The following CASKIN1 variants were observed in gnomAD, a reference collection of about 807,000 sequenced individuals.
CASKIN1 encodes CASK interacting protein 1.
A neutral mutation model predicts 117.5 loss-of-function variants in CASKIN1; 42 were observed. The observed-to-expected ratio is 0.36, with a 90% CI of 0.28 to 0.46. The LOEUF is 0.46. Among genes scored for constraint, CASKIN1 ranks in the 20% least tolerant of loss-of-function variants. The pLI is 1.00. For synonymous variants in CASKIN1, 1,148 were observed against 961.7 expected (o/e 1.19, Z -3.59); for missense variants, 2,083 against 2,077.3 (o/e 1.00, Z -0.05).
In CASKIN1 at chr16:2,180,744, C is replaced by T. The variant is rs1362312449; in HGVS notation, c.2624G>A (p.Arg875Gln). The T allele has an allele frequency of 5.6e-6, 8 of 1,440,222 alleles. No homozygotes were observed. Among genetic ancestry groups the T allele is most frequent in the Admixed American group, 2.8e-5 (1 of 35,858 alleles). The allele number at this position is 1,440,222 out of a possible 1,614,324, so 89.2% of individuals were successfully genotyped here. ...LPPEADAEPG[R>Q]PKKRAHSLNR... ...CAGGCTGTGGGCCCGCTTCTTGGGC[C>T]GCCCCGGCTCCGCGTCGGCCTCAGG... is the stretch of plus-strand genomic sequence containing the variant. The change falls in exon 18 of 20, where the codon CGG becomes CAG. Residue 875 changes from arginine (R) to glutamine (Q), a missense_variant. Physicochemically the swap from Arg to Gln is conservative, Grantham distance 43. This residue lies in a region of CASKIN1 where 1,818 missense variants were observed against 1,688.9 expected (regional missense o/e 1.08). Coordinates refer to ENST00000343516, the MANE Select transcript of CASKIN1 (RefSeq NM_020764.4).
In CASKIN1 at chr16:2,196,389, T is replaced by C; in HGVS notation, c.44A>G (p.Asp15Gly). The change falls in exon 1 of 20, where the codon GAC (aspartate) becomes GGC (glycine). Residue 15 changes from aspartate to glycine, a missense_variant. Coordinates refer to ENST00000343516, the MANE Select transcript of CASKIN1 (RefSeq NM_020764.4). The surrounding 1 kb of genome is among the most constrained non-coding windows in gnomAD (Gnocchi z 5.7). ...CAGCAGCCTCTGCGCGGTCCCTACGTCCTCCGCCTTCACCGCCTGCACCAG... is the reference window on the plus strand; with the variant it reads ...CAGCAGCCTCTGCGCGGTCCCTACGCCCTCCGCCTTCACCGCCTGCACCAG... The part of the protein sequence containing the change: ...QELVQAVKAE[D>G]VGTAQRLLQR... The C allele has an allele frequency of 7.3e-7, 1 of 1,368,724 alleles. No homozygotes were observed. The highest frequency in any genetic ancestry group is 9.5e-7 in the Non-Finnish European group (1 of 1,048,130). The allele number at this position is 1,368,724 out of a possible 1,614,324, so 84.8% of individuals were successfully genotyped here.
At chr16:2,195,464 G>C (rs967094982) in intron 1 of CASKIN1, among the ~76,000 whole-genome samples, 1 of 152,226 alleles carries the variant, frequency 6.6e-6, no homozygotes, top group Non-Finnish European at 1.5e-5. Context: ...ACGGCTATAC[G>C]TGCGCAGCCG....
chr16:2,180,997 G>A lies in CASKIN1; in HGVS notation c.2371C>T (p.Leu791Phe). The change falls in exon 18 of 20, where the codon CTT (leucine) becomes TTT (phenylalanine). Residue 791 changes from leucine (L) to phenylalanine (F), a missense_variant. By Grantham distance (22) the Leu-to-Phe change is conservative. Around this residue, in one of 3 missense-constraint regions of CASKIN1, gnomAD observed 1,818 missense variants for 1,688.9 expected, o/e 1.08. Coordinates refer to ENST00000343516, the MANE Select transcript of CASKIN1 (RefSeq NM_020764.4). ...GGGGCTGGACCATGAGGTCCCCCAA[G>A]GGCCTGGGGAGAGCCTGGTCGGGTT... is the stretch of plus-strand genomic sequence containing the variant. The part of the protein sequence containing the change: ...TKTRPGSPQA[L>F]GGPHGPAPAT... 2.0e-6 allele frequency: 3 copies of A among 1,477,956 alleles called. No individual in the cohort carries two copies. The highest frequency in any genetic ancestry group is 2.8e-5 in the South Asian group (2 of 70,634). 91.6% of individuals were successfully genotyped at this position (1,477,956 alleles called of 1,614,324 possible).
At position 2,179,115 on chromosome 16, in the gene CASKIN1, G is replaced by A. The variant is rs1434802573; in HGVS notation, c.3986C>T (p.Pro1329Leu). Reference protein sequence around the residue: ...PSLGASPAKPPSPGAPALHVP... With the variant: ...PSLGASPAKPLSPGAPALHVP... ...GTGCAGCGCGGGCGCGCCGGGGGAC[G>A]GGGGCTTGGCGGGGCTGGCGCCCAG... The change falls in exon 19 of 20, where the codon CCG (proline) becomes CTG (leucine). Residue 1329 changes from proline to leucine, a missense_variant. Physicochemically the swap from Pro to Leu is moderately conservative, Grantham distance 98. This residue lies in a region of CASKIN1 where 1,818 missense variants were observed against 1,688.9 expected (regional missense o/e 1.08). Transcript: ENST00000343516. The surrounding 1 kb of genome is among the most constrained non-coding windows in gnomAD (Gnocchi z 5.8). The A allele has an allele frequency of 2.0e-6, 2 of 1,005,854 alleles. No individual in the cohort carries two copies. Among genetic ancestry groups the A allele is most frequent in the Middle Eastern group, 4.9e-4 (1 of 2,026 alleles). 62.3% of individuals were successfully genotyped at this position (1,005,854 alleles called of 1,614,324 possible). A position where few individuals can be genotyped will look rare whatever the true frequency, so the allele number is the denominator to read the frequency against.
rs1330456473 is a variant in CASKIN1 at position 2,182,064 on chromosome 16, T to G, written c.1630-135A>C. 1 of 1,240,312 alleles carries G rather than the reference T, an allele frequency of 8.1e-7. No homozygotes were observed. The highest frequency in any genetic ancestry group is 1.5e-5 in the African/African-American group (1 of 67,300). The allele number at this position is 1,240,312 out of a possible 1,614,324, so 76.8% of individuals were successfully genotyped here. A position where few individuals can be genotyped will look rare whatever the true frequency, so the allele number is the denominator to read the frequency against. On this transcript the variant is annotated intron_variant, in intron 16 of 19. Transcript: ENST00000343516. This position sits in a 1 kb window ranked among gnomAD's most constrained non-coding sequence, Gnocchi z 4.1. ...AGGAGGACAAACGGATAGGCCGAGGTATTGGCACCAGAAATGTAGGCAGAG... is the reference window on the plus strand; with the variant it reads ...AGGAGGACAAACGGATAGGCCGAGGGATTGGCACCAGAAATGTAGGCAGAG...
Position 2,181,900 on chromosome 16 carries a change from G to T in CASKIN1, c.1659C>A (p.Ile553=). Residue 553 remains isoleucine (I), a synonymous_variant, in exon 17 of 20, where the codon ATC becomes ATA. Transcript: ENST00000343516. The part of the protein sequence containing the change: ...PANLAVWLSM[I]GLAQYYKVLV... ...ACACCTTGTAGTACTGGGCCAGGCC[G>T]ATCATGGACAGCCACACGGCCAGGT... is the stretch of plus-strand genomic sequence containing the variant. 1 of 1,613,708 alleles carries T rather than the reference G, an allele frequency of 6.2e-7. No homozygotes were observed. The highest frequency in any genetic ancestry group is 8.5e-7 in the Non-Finnish European group (1 of 1,179,976).
At position 2,181,803 on chromosome 16, in the gene CASKIN1, T is replaced by C. The variant is rs1318766446; in HGVS notation, c.1756A>G (p.Ile586Val). The part of the protein sequence containing the change: ...ITWEDLQEIG[I>V]TKLGHQKKLM... ...GCTGGGGCCTCACCCAGCTTGGTGA[T>C]GCCGATCTCCTGCAGGTCCTCCCAG... Residue 586 changes from isoleucine (I) to valine (V), a missense_variant, in exon 17 of 20, where the codon ATC becomes GTC. Ile to Val is a conservative substitution (Grantham distance 29, BLOSUM62 3). This residue lies in a region of CASKIN1 where 1,818 missense variants were observed against 1,688.9 expected (regional missense o/e 1.08). Coordinates refer to ENST00000343516, the MANE Select transcript of CASKIN1 (RefSeq NM_020764.4). The C allele has an allele frequency of 6.2e-7, 1 of 1,613,174 alleles. No individual in the cohort carries two copies. The highest frequency in any genetic ancestry group is 1.7e-5 in the Admixed American group (1 of 59,990).
At position 2,184,077 on chromosome 16, in the gene CASKIN1, C is replaced by G. The variant is rs531367052; in HGVS notation, c.1417-136G>C. 3 of 610,366 alleles carry G rather than the reference C, an allele frequency of 4.9e-6. No homozygotes were observed. In the Admixed American group the frequency reaches 9.1e-5, roughly 19 times the overall value. 37.8% of individuals were successfully genotyped at this position (610,366 alleles called of 1,614,324 possible). On this transcript the variant is annotated intron_variant, in intron 14 of 19. Transcript: ENST00000343516. Reference sequence around the variant, plus strand: ...TCCGCTGCTCCATCTGCAGCAGGCCCCGGTGAGCCTGGCCCGTGAGTGATC... The same window carrying G: ...TCCGCTGCTCCATCTGCAGCAGGCCGCGGTGAGCCTGGCCCGTGAGTGATC...
rs2093172392 is a variant in CASKIN1, at chr16:2,182,855, ATC to A, written c.1629+789_1629+790del. Among the ~76,000 whole-genome samples, 1 of 152,218 alleles carries A rather than the reference ATC, an allele frequency of 6.6e-6. No individual in the cohort carries two copies. The highest frequency in any genetic ancestry group is 1.5e-5 in the Non-Finnish European group (1 of 68,032). On this transcript the variant is annotated intron_variant, in intron 16 of 19. Coordinates refer to ENST00000343516, the MANE Select transcript of CASKIN1 (RefSeq NM_020764.4). This position sits in a 1 kb window ranked among gnomAD's most constrained non-coding sequence, Gnocchi z 4.1. Reference sequence around the variant, plus strand: ...GCCCAGGCTGGAGTGCAGTGGCGCAATCTCGGCTCACTGCAAGCTCCGCCTCC... The same window carrying A: ...GCCCAGGCTGGAGTGCAGTGGCGCAATCGGCTCACTGCAAGCTCCGCCTCC...
In CASKIN1 at chr16:2,182,946, A is replaced by T. The variant is rs2093172691; in HGVS notation, c.1629+700T>A. On this transcript the variant is annotated intron_variant, in intron 16 of 19. Transcript: ENST00000343516. This position sits in a 1 kb window ranked among gnomAD's most constrained non-coding sequence, Gnocchi z 4.1. The stretch of plus-strand genomic sequence containing the variant: ...GCTGGGACTATAGGCACCCGCCACC[A>T]CGCCTGGCCAATTTTTGGTTTTAGT... 6.6e-6 allele frequency among the ~76,000 whole-genome samples: 1 copy of T among 152,112 alleles called. No individual in the cohort carries two copies. Among genetic ancestry groups the T allele is most frequent in the African/African-American group, 2.4e-5 (1 of 41,414 alleles).
At chr16:2,189,647 CT>C (rs1307209473) in intron 3 of CASKIN1, 83 bp from the exon 4 acceptor site, 10 of 1,447,742 alleles carry the variant, frequency 6.9e-6, no homozygotes, top group South Asian at 6.8e-5. Flanking sequence ...GACCTGACCC[CT>C]GACCCCAAGT....
chr16:2,188,820 A>C, intron 6 of CASKIN1: 1 of 653,704 alleles, frequency 1.5e-6, no homozygotes, highest in South Asian at 2.1e-5. Flanking sequence ...TGGGGCTGGG[A>C]CAGAGACGTC....
At chr16:2,193,646 G>A (rs1164723991) in intron 1 of CASKIN1, among the ~76,000 whole-genome samples, 2 of 152,246 alleles carry the variant, frequency 1.3e-5, no homozygotes, top group South Asian at 2.1e-4. Context: ...TCTCGGAGAG[G>A]CTGGAGGTCA....
In CASKIN1 at chr16:2,188,422, C is replaced by T. The variant is rs188507834; in HGVS notation, c.617+605G>A. Among the ~76,000 whole-genome samples, 14 of 152,060 alleles carry T rather than the reference C, an allele frequency of 9.2e-5. No individual in the cohort carries two copies. The East Asian group carries it at 2.7e-3, about 29-fold the overall frequency. ...CTGGAGTACAGTGGCACAATCATCG[C>T]TCACTGCAACCTCAACCTCATGGGC... On this transcript the variant is annotated intron_variant, in intron 6 of 19. Coordinates refer to ENST00000343516, the MANE Select transcript of CASKIN1 (RefSeq NM_020764.4).
At chr16:2,178,833 TCTCTGCC>T (rs2093155214) in intron 19 of CASKIN1, 62 bp downstream of exon 19, 4 of 1,082,712 alleles carry the variant, frequency 3.7e-6, no homozygotes, top group African/African-American at 1.9e-5. Flanking sequence ...GCCCCGCCCA[TCTCTGCC>T]GAGCCCCGCC....
intron 3 of CASKIN1, 60 bp from the exon 4 acceptor site, chr16:2,189,624 AG>A (rs972605814): frequency 5.9e-6 from 9 of 1,523,106 alleles, no homozygotes; most frequent in South Asian, 1.3e-5. Flanking sequence ...CCTGGAGGAT[AG>A]GGGGGTGCTG....
intron 1 of CASKIN1, 79 bp from the exon 2 acceptor site, chr16:2,190,437 G>GCCATC: frequency 7.7e-7 from 1 of 1,294,630 alleles, no homozygotes; most frequent in Middle Eastern, 2.3e-4. Flanking sequence ...GAGGGGGCCA[G>GCCATC]CCATCTCCCC....
In CASKIN1 at chr16:2,180,434, C is replaced by T. The variant is rs779485334; in HGVS notation, c.2934G>A (p.Gly978=). The T allele has an allele frequency of 1.9e-6, 3 of 1,565,550 alleles. No homozygotes were observed. The highest frequency in any genetic ancestry group is 2.4e-5 in the East Asian group (1 of 42,502). ...TGGCCCGCCGGCACTGTGCCCGGAC[C>T]CCCAGCAGGCCATCCTCAGGCTCGG... ...PDAEPEDGLL[G]VRAQCRRASD... is the part of the protein sequence containing the mutation. Residue 978 remains glycine, a synonymous_variant, in exon 18 of 20, where the codon GGG becomes GGA. Transcript: ENST00000343516.
At position 2,178,612 on chromosome 16, in the gene CASKIN1, G is replaced by A. The variant is rs371730839; in HGVS notation, c.4234C>T (p.Leu1412=). Residue 1412 remains leucine, a synonymous_variant, in exon 20 of 20, where the codon CTG becomes TTG. Coordinates refer to ENST00000343516, the MANE Select transcript of CASKIN1 (RefSeq NM_020764.4). ...TCGAACATGCTGCCGATGTCGTCCA[G>A]GATGCTGCCAGTGCTCTTTTCCGCC... ...SAAEKSTGSI[L]DDIGSMFDDL... is the part of the protein sequence containing the mutation. 3.8e-6 allele frequency: 6 copies of A among 1,596,996 alleles called. No individual in the cohort carries two copies. Among genetic ancestry groups the A allele is most frequent in the African/African-American group, 2.7e-5 (2 of 73,290 alleles).
Sources: gnomAD v4.1 joint callset for allele counts (sites outside exome capture counted in the v4.1 genomes callset) on GRCh38, gnomAD v4.1.1 for gene constraint, gnomAD v4.1.1 regional missense constraint, Gnocchi (gnomAD v3.1) non-coding constraint, MANE v1.5 for transcripts, NCBI Gene and HGNC (gene_info 2026-07-23, HGNC 2026-07-21) for gene names.